KIF16B: variants seen among roughly 807,000 people sequenced by gnomAD.
KIF16B encodes kinesin family member 16B, also known as kinesin-like protein KIF16B.
A neutral mutation model predicts 156.3 loss-of-function variants in KIF16B; 98 were observed. That is an observed-to-expected ratio of 0.63 (90% CI 0.53 to 0.74). The LOEUF is 0.74. KIF16B is among the 30% of genes least tolerant of loss of function. KIF16B has a pLI of 0.00. For synonymous variants in KIF16B, 564 were observed against 583.7 expected (o/e 0.97, Z 0.49); for missense variants, 1,421 against 1,606.5 (o/e 0.88, Z 1.97).
intron 23 of KIF16B, among the ~76,000 whole-genome samples, chr20:16,352,038 CT>C (rs1287332751): frequency 6.6e-5 from 10 of 152,200 alleles, no homozygotes; most frequent in Admixed American, 2.6e-4. Context: ...GTTGGATCCC[CT>C]CTCCATGGTT....
intron 1 of KIF16B, among the ~76,000 whole-genome samples, chr20:16,536,003 A>G (rs1488276246): frequency 6.6e-6 from 1 of 152,212 alleles, no homozygotes; most frequent in Non-Finnish European, 1.5e-5. Context: ...ATCCAAAGGA[A>G]AAGAAATCAA....
In KIF16B at chr20:16,454,065, C is replaced by T. The variant is rs113151983; in HGVS notation, c.1303-24083G>A. Among the ~76,000 whole-genome samples, 186 of 151,754 alleles carry T rather than the reference C, an allele frequency of 1.2e-3. 2 individuals carry two copies. The highest frequency in any genetic ancestry group is 4.2e-3 in the African/African-American group (172 of 41,364). ...TGCCTAAAACAGAGAAATCTTGGGG[C>T]GATCTACAATGTATCTACATAATAA... On this transcript the variant is annotated intron_variant, in intron 12 of 25. Coordinates refer to ENST00000354981, the MANE Select transcript of KIF16B (RefSeq NM_024704.5).
At chr20:16,421,488 C>T (rs2066224806) in intron 15 of KIF16B, among the ~76,000 whole-genome samples, 1 of 152,112 alleles carries the variant, frequency 6.6e-6, no homozygotes, top group South Asian at 2.1e-4. Flanking sequence ...ACCAGAAACA[C>T]TACATCACAT....
intron 17 of KIF16B, among the ~76,000 whole-genome samples, chr20:16,397,952 G>C (rs1039388727): frequency 2.0e-5 from 3 of 152,246 alleles, no homozygotes; most frequent in Non-Finnish European, 4.4e-5. Flanking sequence ...TGCCCACTCT[G>C]TGGGGTCTTC....
At chr20:16,544,123 G>A (rs886240592) in intron 1 of KIF16B, among the ~76,000 whole-genome samples, 3 of 152,090 alleles carry the variant, frequency 2.0e-5, no homozygotes, top group African/African-American at 7.2e-5. Context: ...CAGGAGAATC[G>A]AGACGCGCAC....
At chr20:16,338,135 G>T (rs1328201920) in intron 23 of KIF16B, among the ~76,000 whole-genome samples, 1 of 152,022 alleles carries the variant, frequency 6.6e-6, no homozygotes, top group Non-Finnish European at 1.5e-5. Context: ...GCCTCTTCTG[G>T]AACATCCCTT....
At chr20:16,505,365 C>T (rs535768204) in intron 9 of KIF16B, among the ~76,000 whole-genome samples, 9 of 152,018 alleles carry the variant, frequency 5.9e-5, no homozygotes, top group Admixed American at 1.3e-4. Context: ...TTTTAAATTC[C>T]GCATTTACTG....
At chr20:16,427,344 T>C in intron 14 of KIF16B, 103 bp from the exon 15 acceptor site, 2 of 1,126,332 alleles carry the variant, frequency 1.8e-6, no homozygotes, top group Non-Finnish European at 2.5e-6. Flanking sequence ...TTGAATACTC[T>C]TCCTTTTCCA....
intron 12 of KIF16B, among the ~76,000 whole-genome samples, chr20:16,458,543 ACT>A (rs973237498): frequency 6.6e-6 from 1 of 151,962 alleles, no homozygotes; most frequent in South Asian, 2.1e-4. Flanking sequence ...TTTTCGGAAA[ACT>A]CTGTCTTTAT....
intron 22 of KIF16B, among the ~76,000 whole-genome samples, chr20:16,358,926 C>T (rs2064497080): frequency 6.6e-6 from 1 of 152,144 alleles, no homozygotes; most frequent in Non-Finnish European, 1.5e-5. Context: ...CACCTATGTG[C>T]CACACAGAGG....
chr20:16,322,039 T>C (rs1191990794), intron 24 of KIF16B, among the ~76,000 whole-genome samples: 1 of 152,044 alleles, frequency 6.6e-6, no homozygotes, highest in African/African-American at 2.4e-5. Flanking sequence ...GAAATTTGGT[T>C]ATGTAGAGTA....
At chr20:16,409,796 C>G (rs1404717681) in intron 15 of KIF16B, among the ~76,000 whole-genome samples, 3 of 150,992 alleles carry the variant, frequency 2.0e-5, no homozygotes, top group Non-Finnish European at 4.4e-5. Context: ...AGACTGAGAA[C>G]ACTGGAAAAG....
intron 1 of KIF16B, among the ~76,000 whole-genome samples, chr20:16,565,132 T>C (rs978512091): frequency 1.3e-5 from 2 of 152,226 alleles, no homozygotes; most frequent in African/African-American, 4.8e-5. Flanking sequence ...CAACTACTTA[T>C]ACAGCATTAT....
intron 17 of KIF16B, among the ~76,000 whole-genome samples, chr20:16,396,880 C>T (rs1010860017): frequency 7.1e-6 from 1 of 140,914 alleles, no homozygotes; most frequent in African/African-American, 2.8e-5. Context: ...AATGGCTCAC[C>T]AGAAACAGGT....
Position 16,336,013 on chromosome 20 carries a change from A to G in KIF16B, c.3624T>C (p.Ile1208=). Residue 1208 remains isoleucine, a splice_region_variant and synonymous_variant, in exon 24 of 26, where the codon ATT becomes ATC. Coordinates refer to ENST00000354981, the MANE Select transcript of KIF16B (RefSeq NM_024704.5). ...KDAHFEFEVK[I]TVLDETWTVF... is the part of the protein sequence containing the mutation. Reference sequence around the variant, plus strand: ...CAGTCCATGTCTCATCTAGGACAGTAATCTATTAACCAGGAAAACCAAAAT... The same window carrying G: ...CAGTCCATGTCTCATCTAGGACAGTGATCTATTAACCAGGAAAACCAAAAT... The G allele has an allele frequency of 6.3e-7, 1 of 1,590,702 alleles. No individual in the cohort carries two copies. Among genetic ancestry groups the G allele is most frequent in the East Asian group, 2.3e-5 (1 of 44,408 alleles).
At chr20:16,349,025 G>A (rs1396911573) in intron 23 of KIF16B, among the ~76,000 whole-genome samples, 1 of 152,172 alleles carries the variant, frequency 6.6e-6, no homozygotes, top group Admixed American at 6.5e-5. Flanking sequence ...TACTGGAGAA[G>A]TACAGGTGAA....
At chr20:16,378,711 TAAAAAAA>T in intron 19 of KIF16B, 87 bp downstream of exon 19, 1 of 1,119,818 alleles carries the variant, frequency 8.9e-7, no homozygotes, top group Non-Finnish European at 1.2e-6. Context: ...AAGAATAAGT[TAAAAAAA>T]AAAAAGGATA....
At chr20:16,504,343 A>C (rs752470932) in intron 10 of KIF16B, 29 bp downstream of exon 10, 33 of 1,607,974 alleles carry the variant, frequency 2.1e-5, no homozygotes, top group Non-Finnish European at 2.5e-5. Flanking sequence ...CTCAAAGAAA[A>C]TTATCCATAA....
chr20:16,346,769 A>G (rs913029418), intron 23 of KIF16B, among the ~76,000 whole-genome samples: 1 of 152,218 alleles, frequency 6.6e-6, no homozygotes, highest in African/African-American at 2.4e-5. Flanking sequence ...CAAGATTGTC[A>G]CTGATAAAGT....
Sources: gnomAD v4.1 joint callset for allele counts (sites outside exome capture counted in the v4.1 genomes callset) on GRCh38, gnomAD v4.1.1 for gene constraint, MANE v1.5 for transcripts, NCBI Gene and HGNC (gene_info 2026-07-23, HGNC 2026-07-21) for gene names.